Variants in FOSB observed in about 807,000 individuals in gnomAD.
FOSB encodes FosB proto-oncogene, AP-1 transcription factor subunit, also known as protein FosB.
A neutral mutation model predicts 31.1 loss-of-function variants in FOSB; 8 were observed. That is an observed-to-expected ratio of 0.26 (90% CI 0.15 to 0.46). The LOEUF (loss-of-function observed/expected upper bound fraction) is 0.46, where lower values mean the gene tolerates loss of function less well. Ranked by LOEUF, FOSB falls within the 20% of genes least tolerant of loss-of-function variation. FOSB has a pLI of 0.99. For missense variants in FOSB, 376 were observed against 460.6 expected (o/e 0.82, Z 1.68); for synonymous variants, 214 against 206.1 (o/e 1.04, Z -0.33).
Position 45,468,820 on chromosome 19 carries a change from C to A in FOSB, c.126+108C>A, listed in dbSNP as rs1967509849. 8.2e-7 allele frequency: 1 copy of A among 1,223,414 alleles called. No homozygotes were observed. Among genetic ancestry groups the A allele is most frequent in the African/African-American group, 1.6e-5 (1 of 64,218 alleles). 75.8% of individuals were successfully genotyped at this position (1,223,414 alleles called of 1,614,324 possible). ...AAAAAGGCGCATCAGAACCCTAGATCTGAGATGGAAAAGGCTCACAGCGCA... is the reference window on the plus strand; with the variant it reads ...AAAAAGGCGCATCAGAACCCTAGATATGAGATGGAAAAGGCTCACAGCGCA... On this transcript the variant is annotated intron_variant, in intron 1 of 3. Coordinates refer to ENST00000353609, the MANE Select transcript of FOSB (RefSeq NM_006732.3). The surrounding 1 kb of genome is among the most constrained non-coding windows in gnomAD (Gnocchi z 4.8).
In FOSB at chr19:45,470,803, G is replaced by A; in HGVS notation, c.301G>A (p.Gly101Arg). Residue 101 changes from glycine to arginine, a missense_variant, in exon 2 of 4, where the codon GGA (glycine) becomes AGA (arginine). This residue lies in a region of FOSB where 193 missense variants were observed against 207.1 expected (regional missense o/e 0.93). Transcript: ENST00000353609. ...PPVVDPYDMP[G>R]TSYSTPGMSG... The stretch of plus-strand genomic sequence containing the variant: ...GGTCGTCGACCCCTACGACATGCCG[G>A]GAACCAGCTACTCCACACCAGGCAT... The A allele has an allele frequency of 1.9e-6, 3 of 1,614,074 alleles. No individual in the cohort carries two copies. The highest frequency in any genetic ancestry group is 2.5e-6 in the Non-Finnish European group (3 of 1,180,020).
Position 45,470,745 on chromosome 19 carries a change from G to A in FOSB, c.243G>A (p.Gln81=), listed in dbSNP as rs748248206. The change falls in exon 2 of 4, where the codon CAG becomes CAA. Residue 81 remains glutamine, a synonymous_variant. Coordinates refer to ENST00000353609, the MANE Select transcript of FOSB (RefSeq NM_006732.3). ...CCACCCTCATCTCTTCCATGGCCCAGTCCCAGGGGCAGCCACTGGCCTCCC... is the reference window on the plus strand; with the variant it reads ...CCACCCTCATCTCTTCCATGGCCCAATCCCAGGGGCAGCCACTGGCCTCCC... The part of the protein sequence containing the change: ...VQPTLISSMA[Q]SQGQPLASQP... 1 of 1,613,350 alleles carries A rather than the reference G, an allele frequency of 6.2e-7. No individual in the cohort carries two copies. The highest frequency in any genetic ancestry group is 1.7e-5 in the Admixed American group (1 of 60,016).
Position 45,472,684 on chromosome 19 carries a change from C to A in FOSB, c.689C>A (p.Pro230His), listed in dbSNP as rs1341500308. The A allele has an allele frequency of 1.2e-6, 2 of 1,607,608 alleles. No homozygotes were observed. Among genetic ancestry groups the A allele is most frequent in the Non-Finnish European group, 1.7e-6 (2 of 1,176,890 alleles). ...PGCKIPYEEGPGPGPLAEVRD... is the reference protein window; with the variant it reads ...PGCKIPYEEGHGPGPLAEVRD... The stretch of plus-strand genomic sequence containing the variant: ...TGCAAGATCCCCTACGAAGAGGGGC[C>A]CGGGCCGGGCCCGCTGGCGGAGGTG... Residue 230 changes from proline to histidine, a missense_variant, in exon 4 of 4, where the codon CCC becomes CAC. Around this residue, in one of 3 missense-constraint regions of FOSB, gnomAD observed 148 missense variants for 170.0 expected, o/e 0.87. Transcript: ENST00000353609. The surrounding 1 kb of genome is among the most constrained non-coding windows in gnomAD (Gnocchi z 5.4).
intron 3 of FOSB, 141 bp downstream of exon 3, chr19:45,471,442 C>G (rs2122154579): frequency 6.3e-6 from 4 of 630,298 alleles, no homozygotes; most frequent in Middle Eastern, 4.4e-4. Context: ...TGTGGCCAGA[C>G]TGGGTAGCCC....
In FOSB at chr19:45,470,869, C is replaced by T. The variant is rs1392066663; in HGVS notation, c.367C>T (p.Pro123Ser). 1 of 1,613,966 alleles carries T rather than the reference C, an allele frequency of 6.2e-7. No individual in the cohort carries two copies. Reference protein sequence around the residue: ...SSGGASGSGGPSTSGTTSGPG... With the variant: ...SSGGASGSGGSSTSGTTSGPG... Reference sequence around the variant, plus strand: ...TGGCGGAGCGAGTGGCAGTGGTGGGCCTTCCACCAGCGGAACTACCAGTGG... The same window carrying T: ...TGGCGGAGCGAGTGGCAGTGGTGGGTCTTCCACCAGCGGAACTACCAGTGG... Residue 123 changes from proline (P) to serine (S), a missense_variant, in exon 2 of 4, where the codon CCT (proline) becomes TCT (serine). By Grantham distance (74) the Pro-to-Ser change is moderately conservative. Transcript: ENST00000353609.
At chr19:45,471,459 C>T in intron 3 of FOSB, 158 bp downstream of exon 3, 1 of 570,286 alleles carries the variant, frequency 1.8e-6, no homozygotes, top group Non-Finnish European at 3.1e-6. Flanking sequence ...GCCCAGGGCA[C>T]AAACACAGAC....
chr19:45,468,727 G>C lies in FOSB; in HGVS notation c.126+15G>C, dbSNP rs1485186818. 4 of 1,594,400 alleles carry C rather than the reference G, an allele frequency of 2.5e-6. No individual in the cohort carries two copies. The African/African-American group carries it at 4.1e-5, about 16-fold the overall frequency. The stretch of plus-strand genomic sequence containing the variant: ...CCGCCTCCCAGGTAAGTTTTTGATA[G>C]TAGGGGTGCTGCTTTGTAGGTTTTA... On this transcript the variant is annotated intron_variant, in intron 1 of 3. Transcript: ENST00000353609. This position sits in a 1 kb window ranked among gnomAD's most constrained non-coding sequence, Gnocchi z 4.8.
chr19:45,470,591 G>C (rs1490061073), intron 1 of FOSB, 38 bp from the exon 2 acceptor site: 20 of 1,546,574 alleles, frequency 1.3e-5, no homozygotes, highest in Admixed American at 1.8e-5. Flanking sequence ...GTCTTTGTTT[G>C]TGTGTCTACG....
Position 45,471,318 on chromosome 19 carries a change from G to T in FOSB, c.555+17G>T. On this transcript the variant is annotated intron_variant, in intron 3 of 3. Transcript: ENST00000353609. The stretch of plus-strand genomic sequence containing the variant: ...CTCCAGGCGGTGAGGACAGGCCCTG[G>T]GGTGGGAGAGGGGATGTTGAGGGGA... 1 of 1,518,684 alleles carries T rather than the reference G, an allele frequency of 6.6e-7. No individual in the cohort carries two copies. The highest frequency in any genetic ancestry group is 1.2e-5 in the South Asian group (1 of 83,482). 94.1% of individuals were successfully genotyped at this position (1,518,684 alleles called of 1,614,324 possible).
intron 1 of FOSB, 81 bp from the exon 2 acceptor site, chr19:45,470,548 T>G: frequency 3.0e-6 from 4 of 1,345,208 alleles, no homozygotes; most frequent in Non-Finnish European, 4.1e-6. Context: ...GGGGTCGGTG[T>G]GTGTTATGTG....
Position 45,471,211 on chromosome 19 carries a change from G to A in FOSB, c.465G>A (p.Glu155=), listed in dbSNP as rs540010353. The A allele has an allele frequency of 5.1e-6, 8 of 1,564,786 alleles. No individual in the cohort carries two copies. In the East Asian group the frequency reaches 1.7e-4, roughly 32 times the overall value. The part of the protein sequence containing the change: ...PREETLTPEE[E]EKRRVRRERN... Reference sequence around the variant, plus strand: ...TGACTCAGCTCACCCCAGAGGAAGAGGAGAAGCGAAGGGTGCGCCGGGAAC... The same window carrying A: ...TGACTCAGCTCACCCCAGAGGAAGAAGAGAAGCGAAGGGTGCGCCGGGAAC... Residue 155 remains glutamate, a synonymous_variant, in exon 3 of 4, where the codon GAG becomes GAA. Coordinates refer to ENST00000353609, the MANE Select transcript of FOSB (RefSeq NM_006732.3).
chr19:45,469,270 A>G (rs1043693999), intron 1 of FOSB, among the ~76,000 whole-genome samples: 4 of 152,044 alleles, frequency 2.6e-5, no homozygotes, highest in African/African-American at 4.8e-5. Context: ...CCTCCGTCTG[A>G]CGCGGGGCAC....
Position 45,468,580 on chromosome 19 carries a change from C to G in FOSB, c.-7C>G. 6.2e-7 allele frequency: 1 copy of G among 1,608,422 alleles called. No individual in the cohort carries two copies. Among genetic ancestry groups the G allele is most frequent in the Non-Finnish European group, 8.5e-7 (1 of 1,178,276 alleles). Reference sequence around the variant, plus strand: ...GTGGTCACAGGGGCCCCCCTGTGCCCAGGGAAATGTTTCAGGCTTTCCCCG... The same window carrying G: ...GTGGTCACAGGGGCCCCCCTGTGCCGAGGGAAATGTTTCAGGCTTTCCCCG... On this transcript the variant is annotated 5_prime_UTR_variant, in exon 1 of 4. Transcript: ENST00000353609. This position sits in a 1 kb window ranked among gnomAD's most constrained non-coding sequence, Gnocchi z 4.8.
chr19:45,472,846 G>A lies in FOSB; in HGVS notation c.851G>A (p.Ser284Asn). The A allele has an allele frequency of 1.2e-6, 2 of 1,614,154 alleles. No homozygotes were observed. The highest frequency in any genetic ancestry group is 1.7e-6 in the Non-Finnish European group (2 of 1,180,030). ...CTGACGGCTTCTCTCTTTACACACAGTGAAGTTCAAGTCCTCGGCGACCCC... is the reference window on the plus strand; with the variant it reads ...CTGACGGCTTCTCTCTTTACACACAATGAAGTTCAAGTCCTCGGCGACCCC... ...PNLTASLFTH[S>N]EVQVLGDPFP... The change falls in exon 4 of 4, where the codon AGT (serine) becomes AAT (asparagine). Residue 284 changes from serine (S) to asparagine (N), a missense_variant. Physicochemically the swap from Ser to Asn is conservative, Grantham distance 46. Coordinates refer to ENST00000353609, the MANE Select transcript of FOSB (RefSeq NM_006732.3). The surrounding 1 kb of genome is among the most constrained non-coding windows in gnomAD (Gnocchi z 5.4).
chr19:45,472,766 G>T lies in FOSB; in HGVS notation c.771G>T (p.Pro257=). The part of the protein sequence containing the change: ...AKEDGFSWLL[P]PPPPPPLPFQ... ...AAGATGGCTTCAGCTGGCTGCTGCC[G>T]CCCCCGCCACCACCGCCCCTGCCCT... The change falls in exon 4 of 4, where the codon CCG becomes CCT. Residue 257 remains proline (P), a synonymous_variant. Transcript: ENST00000353609. The surrounding 1 kb of genome is among the most constrained non-coding windows in gnomAD (Gnocchi z 5.4). The T allele has an allele frequency of 6.2e-7, 1 of 1,613,246 alleles. No individual in the cohort carries two copies. The highest frequency in any genetic ancestry group is 8.5e-7 in the Non-Finnish European group (1 of 1,179,698).
Position 45,468,618 on chromosome 19 carries a change from C to A in FOSB, c.32C>A (p.Ser11Tyr). 6.2e-7 allele frequency: 1 copy of A among 1,613,510 alleles called. No homozygotes were observed. The highest frequency in any genetic ancestry group is 1.1e-5 in the South Asian group (1 of 91,018). Residue 11 changes from serine (S) to tyrosine (Y), a missense_variant, in exon 1 of 4, where the codon TCC becomes TAC. By Grantham distance (144) the Ser-to-Tyr change is moderately radical (BLOSUM62 -2). Coordinates refer to ENST00000353609, the MANE Select transcript of FOSB (RefSeq NM_006732.3). The surrounding 1 kb of genome is among the most constrained non-coding windows in gnomAD (Gnocchi z 4.8). Reference sequence around the variant, plus strand: ...CAGGCTTTCCCCGGAGACTACGACTCCGGCTCCCGGTGCAGCTCCTCACCC... The same window carrying A: ...CAGGCTTTCCCCGGAGACTACGACTACGGCTCCCGGTGCAGCTCCTCACCC... The part of the protein sequence containing the change: MFQAFPGDYD[S>Y]GSRCSSSPSA...
intron 2 of FOSB, 88 bp downstream of exon 2, chr19:45,471,037 G>A (rs574923439): frequency 1.5e-4 from 210 of 1,413,370 alleles, no homozygotes; most frequent in Non-Finnish European, 2.0e-4. Flanking sequence ...GCTCCACTAA[G>A]GCCTCAGTGT....
At position 45,471,245 on chromosome 19, in the gene FOSB, C is replaced by T; in HGVS notation, c.499C>T (p.Leu167=). ...KRRVRRERNK[L]AAAKCRNRRR... ...AAGGGTGCGCCGGGAACGAAATAAA[C>T]TAGCAGCAGCTAAATGCAGGAACCG... The change falls in exon 3 of 4, where the codon CTA becomes TTA. Residue 167 remains leucine, a synonymous_variant. Coordinates refer to ENST00000353609, the MANE Select transcript of FOSB (RefSeq NM_006732.3). 6.4e-7 allele frequency: 1 copy of T among 1,571,620 alleles called. No individual in the cohort carries two copies. The highest frequency in any genetic ancestry group is 8.6e-7 in the Non-Finnish European group (1 of 1,157,958).
At position 45,468,545 on chromosome 19, in the gene FOSB, C is replaced by T. The variant is rs750995591; in HGVS notation, c.-42C>T. ...CCCGGCCATAGCCTTGGCTTCCCGG[C>T]GACCTCAGCGTGGTCACAGGGGCCC... is the stretch of plus-strand genomic sequence containing the variant. On this transcript the variant is annotated 5_prime_UTR_variant, in exon 1 of 4. Transcript: ENST00000353609. This position sits in a 1 kb window ranked among gnomAD's most constrained non-coding sequence, Gnocchi z 4.8. The T allele has an allele frequency of 6.4e-7, 1 of 1,571,710 alleles. No individual in the cohort carries two copies. Among genetic ancestry groups the T allele is most frequent in the Non-Finnish European group, 8.6e-7 (1 of 1,163,200 alleles).
Sources: gnomAD v4.1 joint callset for allele counts (sites outside exome capture counted in the v4.1 genomes callset) on GRCh38, gnomAD v4.1.1 for gene constraint, gnomAD v4.1.1 regional missense constraint, Gnocchi (gnomAD v3.1) non-coding constraint, MANE v1.5 for transcripts, NCBI Gene and HGNC (gene_info 2026-07-23, HGNC 2026-07-21) for gene names.